ZNF718: variants seen among roughly 807,000 people sequenced by gnomAD.
ZNF718 encodes the protein zinc finger protein 718.
Under a neutral mutation model 2.6 loss-of-function variants are expected in ZNF718, and 3 were observed. That is an observed-to-expected ratio of 1.16 (90% confidence interval 0.53 to 3.01). The LOEUF (loss-of-function observed/expected upper bound fraction) is 3.01. Among genes scored for constraint, ZNF718 ranks in the 30% most tolerant of loss-of-function variants. The probability of loss-of-function intolerance (pLI) is 0.03; values close to 1 mark genes in which losing one functional copy is unlikely to be tolerated. For synonymous variants in ZNF718, 135 were observed against 77.9 expected (o/e 1.73, Z -3.86); for missense variants, 468 against 230.0 (o/e 2.03, Z -6.69).
intron 3 of ZNF718, chr4:142,145 C>T: frequency 4.3e-6 from 2 of 468,916 alleles, no homozygotes; most frequent in East Asian, 5.8e-5. Context: ...GCCATTGGAA[C>T]CCTTGAGGTG....
At chr4:164,650 A>T (rs1322961058), downstream of ZNF718, among the ~76,000 whole-genome samples, 2 of 152,202 alleles carry the variant, frequency 1.3e-5, no homozygotes, top group African/African-American at 4.8e-5. Flanking sequence ...TAAATTTAAG[A>T]TGTTCACAAT....
Position 160,888 on chromosome 4 carries a change from ATTTG to A in ZNF718, c.227-21_227-18del, listed in dbSNP as rs1340451071. The A allele has an allele frequency of 2.7e-6, 2 of 735,022 alleles. No homozygotes were observed. Among genetic ancestry groups the A allele is most frequent in the Non-Finnish European group, 5.0e-6 (2 of 399,740 alleles). The allele number at this position is 735,022 out of a possible 1,614,324, so 45.5% of individuals were successfully genotyped here. A position where few individuals can be genotyped will look rare whatever the true frequency, so the allele number is the denominator to read the frequency against. ...TTATATGAATCTAGTAAGTGGGATA[ATTTG>A]TTATTTTTATTTCTTTCAGCTGTGT... On this transcript the variant is annotated intron_variant, in intron 3 of 3. Coordinates refer to ENST00000510175, the MANE Select transcript of ZNF718 (RefSeq NM_001039127.6).
intron 3 of ZNF718, among the ~76,000 whole-genome samples, chr4:151,804 G>A (rs1299599208): frequency 6.6e-6 from 1 of 151,312 alleles, no homozygotes; most frequent in African/African-American, 2.4e-5. Flanking sequence ...CGAGAGATTT[G>A]GAAAAGAAAA....
rs1290468131 is a variant in ZNF718, at chr4:124,803, G to A, written c.3+130G>A. 15 of 1,284,458 alleles carry A rather than the reference G, an allele frequency of 1.2e-5. No individual in the cohort carries two copies. In the East Asian group the frequency reaches 3.2e-4, roughly 27 times the overall value. 79.6% of individuals were successfully genotyped at this position (1,284,458 alleles called of 1,614,324 possible). A position where few individuals can be genotyped will look rare whatever the true frequency, so the allele number is the denominator to read the frequency against. ...CTCTGTCCTCAGTCCCCTCCGGTGA[G>A]GGACCCGCGCTCTTGTCAGTCCCCG... On this transcript the variant is annotated intron_variant, in intron 1 of 3. Coordinates refer to ENST00000510175, the MANE Select transcript of ZNF718 (RefSeq NM_001039127.6).
exon 5 of ZNF718, chr4:201,744 G>T: frequency 5.7e-6 from 1 of 176,676 alleles, no homozygotes; most frequent in South Asian, 1.3e-4. Flanking sequence ...AAGCCTATGT[G>T]GTATCTGAGG....
chr4:186,495 G>C (rs1178575292), intron 3 of ZNF718, among the ~76,000 whole-genome samples: 1 of 152,076 alleles, frequency 6.6e-6, no homozygotes, highest in African/African-American at 2.4e-5. Context: ...TCTTACTGGG[G>C]TTCTCTGCAT....
At chr4:197,516 A>C (rs1203050628) in intron 3 of ZNF718, among the ~76,000 whole-genome samples, 1 of 152,072 alleles carries the variant, frequency 6.6e-6, no homozygotes, top group Non-Finnish European at 1.5e-5. Flanking sequence ...GACCTGACCC[A>C]CTCCAGAAAG....
chr4:131,468 C>A lies in ZNF718; in HGVS notation c.189C>A (p.Tyr63Ter). The A allele has an allele frequency of 1.9e-6, 1 of 525,616 alleles. No homozygotes were observed. Among genetic ancestry groups the A allele is most frequent in the African/African-American group, 2.4e-5 (1 of 41,886 alleles). The allele number at this position is 525,616 out of a possible 1,614,324, so 32.6% of individuals were successfully genotyped here. The change falls in exon 3 of 4, where the codon TAC (tyrosine) becomes TAA (stop). Residue 63 changes from tyrosine (Y) to a stop codon, truncating the protein, a stop_gained. Transcript: ENST00000510175. LOFTEE classifies it low-confidence loss of function (END_TRUNC). Reference protein sequence around the residue: ...VTSLEQRKEPYNLKIHETAAR... With the variant: ...VTSLEQRKEP ...GTCTGGAGCAAAGAAAAGAGCCCTA[C>A]AATTTGAAGATACATGAAACAGCAG... is the stretch of plus-strand genomic sequence containing the variant.
At chr4:185,147 A>G (rs1717541935) in intron 3 of ZNF718, among the ~76,000 whole-genome samples, 2 of 152,038 alleles carry the variant, frequency 1.3e-5, no homozygotes, top group Non-Finnish European at 1.5e-5. Context: ...TAGTGCTGTA[A>G]GTTTTTCTCT....
chr4:185,701 T>C (rs1717553645), intron 3 of ZNF718, among the ~76,000 whole-genome samples: 1 of 152,138 alleles, frequency 6.6e-6, no homozygotes, highest in Non-Finnish European at 1.5e-5. Flanking sequence ...CATATATATT[T>C]AGGATAGTTC....
Position 161,049 on chromosome 4 carries a change from A to C in ZNF718, c.364A>C (p.Lys122Gln), listed in dbSNP as rs202125181. The C allele has an allele frequency of 8.8e-5, 69 of 780,142 alleles. No individual in the cohort carries two copies. The highest frequency in any genetic ancestry group is 1.4e-4 in the Non-Finnish European group (57 of 417,638). The allele number at this position is 780,142 out of a possible 1,614,324, so 48.3% of individuals were successfully genotyped here. ...AACTTGTAAAAGTATAAATGAGTGTAAGGTGCAGAAAGGTGGTTATAATAG... is the reference window on the plus strand; with the variant it reads ...AACTTGTAAAAGTATAAATGAGTGTCAGGTGCAGAAAGGTGGTTATAATAG... Reference protein sequence around the residue: ...RKTCKSINECKVQKGGYNRIN... With the variant: ...RKTCKSINECQVQKGGYNRIN... Residue 122 changes from lysine (K) to glutamine (Q), a missense_variant, in exon 4 of 4, where the codon AAG becomes CAG. Transcript: ENST00000510175.
intron 3 of ZNF718, among the ~76,000 whole-genome samples, chr4:134,075 C>T (rs1715447239): frequency 6.6e-6 from 1 of 152,158 alleles, no homozygotes; most frequent in Non-Finnish European, 1.5e-5. Flanking sequence ...ACTCTTTGAA[C>T]AACATTTCCG....
At chr4:170,796 C>T (rs1717208177) in intron 3 of ZNF718, among the ~76,000 whole-genome samples, 1 of 152,098 alleles carries the variant, frequency 6.6e-6, no homozygotes, top group Admixed American at 6.5e-5. Flanking sequence ...GTTCGAACTT[C>T]CTCCTTTAGT....
intron 3 of ZNF718, among the ~76,000 whole-genome samples, chr4:152,507 A>G (rs905250907): frequency 1.3e-5 from 2 of 149,924 alleles, no homozygotes; most frequent in Non-Finnish European, 3.0e-5. Context: ...AACAAAGCAC[A>G]TCTTGCACCG....
Position 150,888 on chromosome 4 carries a change from TTGTGTGTG to T in ZNF718, c.227-10010_227-10003del, listed in dbSNP as rs111894956. 7.4e-3 allele frequency among the ~76,000 whole-genome samples: 1,116 copies of T among 150,228 alleles called. 14 individuals are homozygous for T. Among genetic ancestry groups the T allele is most frequent in the Middle Eastern group, 0.062 (18 of 292 alleles). ...AACATATGACCCAACAATTTGAATT[TTGTGTGTG>T]TGTGTGTGTGTGTAGTCATCAACAT... is the stretch of plus-strand genomic sequence containing the variant. On this transcript the variant is annotated intron_variant, in intron 3 of 3. Coordinates refer to ENST00000510175, the MANE Select transcript of ZNF718 (RefSeq NM_001039127.6).
In ZNF718 at chr4:162,384, C is replaced by A; in HGVS notation, c.*262C>A. On this transcript the variant is annotated 3_prime_UTR_variant, in exon 4 of 4. Coordinates refer to ENST00000510175, the MANE Select transcript of ZNF718 (RefSeq NM_001039127.6). ...AGGAATATTAAAAGTGTGGCAAAAC[C>A]TTTAACCAATGCTCATATCTCTTTG... 1 of 336,770 alleles carries A rather than the reference C, an allele frequency of 3.0e-6. No individual in the cohort carries two copies. The highest frequency in any genetic ancestry group is 5.4e-6 in the Non-Finnish European group (1 of 185,574). 20.9% of individuals were successfully genotyped at this position (336,770 alleles called of 1,614,324 possible).
chr4:175,850 G>C (rs1239396924), intron 3 of ZNF718, among the ~76,000 whole-genome samples: 1 of 123,800 alleles, frequency 8.1e-6, no homozygotes, highest in Non-Finnish European at 1.7e-5. Flanking sequence ...TGGATTAACA[G>C]TCTTTTTTTT....
chr4:163,829 T>C lies in ZNF718; in HGVS notation c.*1707T>C, dbSNP rs1205485624. The C allele has an allele frequency of 6.6e-6, 1 of 152,082 alleles. No individual in the cohort carries two copies. The highest frequency in any genetic ancestry group is 1.5e-5 in the Non-Finnish European group (1 of 67,998). The allele number at this position is 152,082 out of a possible 1,614,324, so 9.4% of individuals were successfully genotyped here. ...ACAGCAAATAAGTTGAAGAATATTG[T>C]TCTCATGTTAAATTTTTATTATTTT... On this transcript the variant is annotated 3_prime_UTR_variant, in exon 4 of 4. Transcript: ENST00000510175.
chr4:172,155 G>A (rs1281040357), intron 3 of ZNF718, among the ~76,000 whole-genome samples: 4 of 152,014 alleles, frequency 2.6e-5, no homozygotes, highest in Admixed American at 2.6e-4. Flanking sequence ...CTGTATTTAC[G>A]TATTATTTTA....
Sources: allele counts gnomAD v4.1 joint callset (sites outside exome capture counted in the v4.1 genomes callset), GRCh38; gene constraint gnomAD v4.1.1; transcripts MANE v1.5; gene names NCBI Gene and HGNC (gene_info 2026-07-23, HGNC 2026-07-21).